The following ZNF385D variants were observed in gnomAD, a reference collection of about 807,000 sequenced individuals.
ZNF385D encodes zinc finger protein 659.
A neutral mutation model predicts 35.8 loss-of-function variants in ZNF385D; 15 were observed. That is an observed-to-expected ratio of 0.42 (90% CI 0.28 to 0.64). The LOEUF is 0.64. ZNF385D is among the 30% of genes least tolerant of loss of function. The pLI is 0.23. For missense variants in ZNF385D, 474 were observed against 494.6 expected (o/e 0.96, Z 0.39); for synonymous variants, 212 against 186.8 (o/e 1.13, Z -1.10).
chr3:21,516,637 G>A lies in ZNF385D; in HGVS notation c.277-5614C>T, dbSNP rs532279119. On this transcript the variant is annotated intron_variant, in intron 3 of 7. Coordinates refer to ENST00000281523, the MANE Select transcript of ZNF385D (RefSeq NM_024697.3). ...TTTATATACTTTTTTCCTTGTTTCA[G>A]CAAAGGATGGTATTCAAGCCTGAAG... 5.1e-4 allele frequency among the ~76,000 whole-genome samples: 77 copies of A among 152,102 alleles called. 1 individual carries two copies. The highest frequency in any genetic ancestry group is 9.1e-4 in the Non-Finnish European group (62 of 68,034).
At chr3:21,446,486 ACTTTT>A (rs1702156832) in intron 4 of ZNF385D, among the ~76,000 whole-genome samples, 2 of 78,628 alleles carry the variant, frequency 2.5e-5, no homozygotes, top group African/African-American at 1.1e-4. Flanking sequence ...TAATCAATGA[ACTTTT>A]TTTTTTTTTT....
chr3:22,171,653 G>T (rs556667113), intron 2 of ZNF385D, among the ~76,000 whole-genome samples: 5 of 152,036 alleles, frequency 3.3e-5, no homozygotes. Flanking sequence ...GAGGCGGGTG[G>T]ATCACAAGGT....
At chr3:21,979,147 T>G (rs78137490) in intron 3 of ZNF385D, among the ~76,000 whole-genome samples, 1 of 152,070 alleles carries the variant, frequency 6.6e-6, no homozygotes, top group Non-Finnish European at 1.5e-5. Flanking sequence ...TAATAAATCA[T>G]TTGCCTGTAG....
chr3:21,693,080 ACTC>A, intron 1 of ZNF385D, among the ~76,000 whole-genome samples: 1 of 152,182 alleles, frequency 6.6e-6, no homozygotes, highest in South Asian at 2.1e-4. Context: ...TACCCAGAGA[ACTC>A]CTTGCCTACA....
chr3:21,890,198 G>C (rs1281959543), intron 3 of ZNF385D, among the ~76,000 whole-genome samples: 1 of 152,080 alleles, frequency 6.6e-6, no homozygotes, highest in Admixed American at 6.5e-5. Context: ...AGCAAGAGAG[G>C]GAATAATTGA....
intron 3 of ZNF385D, among the ~76,000 whole-genome samples, chr3:22,091,031 G>A (rs947879012): frequency 1.3e-5 from 2 of 152,144 alleles, no homozygotes; most frequent in African/African-American, 4.8e-5. Flanking sequence ...GGTGGGGTGG[G>A]ACATGTGTGG....
At chr3:21,808,157 C>T (rs1306812111) in intron 3 of ZNF385D, among the ~76,000 whole-genome samples, 1 of 151,952 alleles carries the variant, frequency 6.6e-6, no homozygotes, top group African/African-American at 2.4e-5. Context: ...ATAAGAAAAT[C>T]CTTTAGTATA....
intron 3 of ZNF385D, among the ~76,000 whole-genome samples, chr3:21,555,382 G>A (rs1358031872): frequency 6.6e-6 from 1 of 151,810 alleles, no homozygotes; most frequent in African/African-American, 2.4e-5. Flanking sequence ...CTGACCCTTC[G>A]ACAGGCCCTG....
chr3:21,807,208 AATC>A (rs2072691687), intron 3 of ZNF385D, among the ~76,000 whole-genome samples: 1 of 152,178 alleles, frequency 6.6e-6, no homozygotes, highest in Non-Finnish European at 1.5e-5. Flanking sequence ...AAAATATCCA[AATC>A]ATTATTGAGA....
At chr3:21,818,324 TATA>T (rs999453622) in intron 3 of ZNF385D, among the ~76,000 whole-genome samples, 21 of 152,290 alleles carry the variant, frequency 1.4e-4, no homozygotes, top group Non-Finnish European at 2.5e-4. Context: ...GAACATAAGG[TATA>T]ATAATAACAA....
At chr3:21,753,763 GGTGGTT>G (rs1249623243), upstream of ZNF385D, among the ~76,000 whole-genome samples, 7 of 58,456 alleles carry the variant, frequency 1.2e-4, no homozygotes, top group African/African-American at 5.7e-4. Flanking sequence ...ATGCAACTTT[GGTGGTT>G]GTTGTTGTTG....
At chr3:21,717,868 A>C (rs1225094067) in intron 1 of ZNF385D, among the ~76,000 whole-genome samples, 1 of 152,186 alleles carries the variant, frequency 6.6e-6, no homozygotes, top group Non-Finnish European at 1.5e-5. Flanking sequence ...ACCCAGTCTC[A>C]GGTATGTCTT....
At chr3:21,460,949 T>A (rs1345841689) in intron 4 of ZNF385D, among the ~76,000 whole-genome samples, 1 of 152,178 alleles carries the variant, frequency 6.6e-6, no homozygotes, top group African/African-American at 2.4e-5. Context: ...GCTAAATGTT[T>A]TTCTACCCAT....
Position 22,251,779 on chromosome 3 carries a change from G to A in ZNF385D, c.107-82744C>T, listed in dbSNP as rs114891923. Reference sequence around the variant, plus strand: ...CACAGGGAAATAATATAGCACAGTGGTTCAGAGTTTGAGCTTGGGATCTTA... The same window carrying A: ...CACAGGGAAATAATATAGCACAGTGATTCAGAGTTTGAGCTTGGGATCTTA... On this transcript the variant is annotated intron_variant, in intron 2 of 5. Transcript: ENST00000494108. 6.0e-3 allele frequency among the ~76,000 whole-genome samples: 911 copies of A among 152,132 alleles called. 6 individuals are homozygous for A. Among genetic ancestry groups the A allele is most frequent in the African/African-American group, 0.021 (861 of 41,528 alleles).
intron 2 of ZNF385D, among the ~76,000 whole-genome samples, chr3:21,641,632 CT>C (rs144071100): frequency 0.21 from 22,030 of 104,578 alleles, 2,003 homozygotes; most frequent in African/African-American, 0.27. Context: ...AACAAGTCAG[CT>C]TTTTTTTTTT....
chr3:21,757,326 A>T (rs970787535), intron 3 of ZNF385D, among the ~76,000 whole-genome samples: 1 of 151,888 alleles, frequency 6.6e-6, no homozygotes, highest in Admixed American at 6.6e-5. Flanking sequence ...TATTTTTGGT[A>T]GAGATAGGGT....
chr3:22,085,269 C>CA (rs578156838), intron 3 of ZNF385D, among the ~76,000 whole-genome samples: 5 of 152,082 alleles, frequency 3.3e-5, no homozygotes, highest in South Asian at 4.2e-4. Context: ...AAAAACCCTT[C>CA]AAAAAATCAA....
chr3:21,747,817 C>T (rs1429683462), intron 1 of ZNF385D, among the ~76,000 whole-genome samples: 1 of 152,218 alleles, frequency 6.6e-6, no homozygotes, highest in Non-Finnish European at 1.5e-5. Context: ...AGGGAGAAGT[C>T]TCCCAGCTGC....
chr3:21,851,660 T>G (rs1294948656), intron 3 of ZNF385D, among the ~76,000 whole-genome samples: 3 of 152,006 alleles, frequency 2.0e-5, no homozygotes, highest in African/African-American at 7.2e-5. Context: ...AATAGCTGAT[T>G]AAAAGAACAT....
Sources: gnomAD v4.1 joint callset for allele counts (sites outside exome capture counted in the v4.1 genomes callset) on GRCh38, gnomAD v4.1.1 for gene constraint, MANE v1.5 for transcripts, NCBI Gene and HGNC (gene_info 2026-07-23, HGNC 2026-07-21) for gene names.